CADM2: variants seen among roughly 807,000 people sequenced by gnomAD.
CADM2 encodes cell adhesion molecule 2.
A neutral mutation model predicts 49.8 loss-of-function variants in CADM2; 12 were observed. That is an observed-to-expected ratio of 0.24 (90% confidence interval 0.15 to 0.39). CADM2 has a LOEUF of 0.39. Ranked by LOEUF, CADM2 falls within the 10% of genes least tolerant of loss-of-function variation. The pLI is 1.00. For synonymous variants in CADM2, 214 were observed against 175.4 expected, an observed-to-expected ratio of 1.22 and a Z score of -1.74; for missense variants, 378 against 492.3, an observed-to-expected ratio of 0.77 and a Z score of 2.20.
At chr3:85,928,472 T>G (rs1720180112) in intron 6 of CADM2, among the ~76,000 whole-genome samples, 2 of 152,128 alleles carry the variant, frequency 1.3e-5, no homozygotes, top group Non-Finnish European at 1.5e-5. Context: ...AAGAAAAACC[T>G]TTTGTCCATA....
intron 2 of CADM2, among the ~76,000 whole-genome samples, chr3:85,747,485 T>C (rs2068663359): frequency 6.6e-6 from 1 of 152,050 alleles, no homozygotes; most frequent in Non-Finnish European, 1.5e-5. Flanking sequence ...TAGTACATGA[T>C]GAGAGATTAT....
chr3:85,603,409 T>G (rs2063466591), intron 1 of CADM2, among the ~76,000 whole-genome samples: 1 of 151,958 alleles, frequency 6.6e-6, no homozygotes, highest in South Asian at 2.1e-4. Context: ...TTTTGTTTTT[T>G]TCTCAACAAG....
intron 8 of CADM2, among the ~76,000 whole-genome samples, chr3:86,044,976 G>T (rs1559822115): frequency 6.6e-6 from 1 of 150,590 alleles, no homozygotes; most frequent in South Asian, 2.1e-4. Context: ...ACCAAACACT[G>T]CATGTTCTCA....
rs541128132 is a variant in CADM2 at position 85,963,851 on chromosome 3, T to G, written c.970+2204T>G. ...AGAAGTCATTTTTGGCTTTGCTTTT[T>G]GAACTACAATTCATCAAAAGCATCC... On this transcript the variant is annotated intron_variant, in intron 8 of 9. Transcript: ENST00000383699. Among the ~76,000 whole-genome samples the G allele has an allele frequency of 5.9e-5, 9 of 152,002 alleles. 1 individual carries two copies. The highest frequency in any genetic ancestry group is 2.2e-4 in the African/African-American group (9 of 41,536).
At chr3:85,275,681 T>C (rs2043341078) in intron 1 of CADM2, among the ~76,000 whole-genome samples, 1 of 151,274 alleles carries the variant, frequency 6.6e-6, no homozygotes, top group African/African-American at 2.4e-5. Flanking sequence ...AATGTTCTCT[T>C]TTAATACATG....
chr3:85,660,219 A>G (rs770683383), intron 1 of CADM2, among the ~76,000 whole-genome samples: 27 of 152,056 alleles, frequency 1.8e-4, no homozygotes, highest in Non-Finnish European at 3.8e-4. Flanking sequence ...GAGTTCGTTG[A>G]GGTCTTACTT....
At chr3:85,780,813 C>T (rs1410773110) in intron 2 of CADM2, among the ~76,000 whole-genome samples, 1 of 152,096 alleles carries the variant, frequency 6.6e-6, no homozygotes, top group Non-Finnish European at 1.5e-5. Context: ...GATCATGTAT[C>T]CCTGTATCTG....
chr3:85,862,410 A>C (rs1401938838), intron 3 of CADM2, among the ~76,000 whole-genome samples: 1 of 152,182 alleles, frequency 6.6e-6, no homozygotes, highest in Non-Finnish European at 1.5e-5. Context: ...CATTGAAATG[A>C]AAATCTTAGG....
At chr3:85,626,104 T>C (rs909233845) in intron 1 of CADM2, among the ~76,000 whole-genome samples, 9 of 152,018 alleles carry the variant, frequency 5.9e-5, no homozygotes, top group African/African-American at 2.2e-4. Flanking sequence ...AGTAATTTAC[T>C]GATAATAGAT....
intron 7 of CADM2, among the ~76,000 whole-genome samples, chr3:85,959,150 A>ATCTATCTCTCTCTCTC (rs141472491): frequency 6.9e-6 from 1 of 145,344 alleles, no homozygotes. Context: ...TTATCTATCT[A>ATCTATCTCTCTCTCTC]TCTCTCTCTC....
chr3:85,291,217 G>A (rs1175888984), intron 1 of CADM2, among the ~76,000 whole-genome samples: 1 of 152,050 alleles, frequency 6.6e-6, no homozygotes, highest in Non-Finnish European at 1.5e-5. Context: ...ATGAAATGAA[G>A]CTAGAAGGGA....
chr3:85,477,243 AACACAC>A (rs139955724), intron 1 of CADM2, among the ~76,000 whole-genome samples: 1 of 144,754 alleles, frequency 6.9e-6, no homozygotes, highest in Non-Finnish European at 1.5e-5. Context: ...GATTCCCTTA[AACACAC>A]ACACACACAC....
intron 1 of CADM2, among the ~76,000 whole-genome samples, chr3:85,514,214 T>G (rs1386555470): frequency 6.6e-6 from 1 of 152,084 alleles, no homozygotes; most frequent in African/African-American, 2.4e-5. Flanking sequence ...CGTCATTGTA[T>G]TTTAAACCTG....
intron 1 of CADM2, among the ~76,000 whole-genome samples, chr3:85,161,668 A>G (rs1489199769): frequency 6.6e-6 from 1 of 152,206 alleles, no homozygotes; most frequent in African/African-American, 2.4e-5. Flanking sequence ...TCATATGTTG[A>G]CATAGATAGG....
At chr3:84,984,056 C>T (rs34604403) in intron 1 of CADM2, among the ~76,000 whole-genome samples, 17,381 of 148,478 alleles carry the variant, frequency 0.12, 1,388 homozygotes, top group African/African-American at 0.21. Context: ...TATACACACA[C>T]ACACACACAC....
chr3:85,813,114 G>A (rs907386015), intron 3 of CADM2, among the ~76,000 whole-genome samples: 2 of 152,222 alleles, frequency 1.3e-5, no homozygotes, highest in South Asian at 2.1e-4. Context: ...AGATCCTTGA[G>A]GAATCACCAC....
Position 85,950,269 on chromosome 3 carries a change from T to A in CADM2, c.792-11200T>A, listed in dbSNP as rs566839404. 4.0e-5 allele frequency among the ~76,000 whole-genome samples: 6 copies of A among 151,356 alleles called. No individual in the cohort carries two copies. In the East Asian group the frequency reaches 1.2e-3, roughly 30 times the overall value. Reference sequence around the variant, plus strand: ...CTGTGTTTACCAAAGAAAAGAAATTTAAGTATAGATTAGGCATGGGTAATT... The same window carrying A: ...CTGTGTTTACCAAAGAAAAGAAATTAAAGTATAGATTAGGCATGGGTAATT... On this transcript the variant is annotated intron_variant, in intron 7 of 9. Coordinates refer to ENST00000383699, the MANE Select transcript of CADM2 (RefSeq NM_001167675.2).
intron 8 of CADM2, among the ~76,000 whole-genome samples, chr3:86,026,213 G>A (rs1733882771): frequency 6.6e-6 from 1 of 152,070 alleles, no homozygotes; most frequent in African/African-American, 2.4e-5. Context: ...TTCAAATTCA[G>A]GTATTTTGTT....
intron 1 of CADM2, among the ~76,000 whole-genome samples, chr3:85,348,604 C>T (rs1212066355): frequency 6.6e-6 from 1 of 152,084 alleles, no homozygotes; most frequent in Non-Finnish European, 1.5e-5. Flanking sequence ...AACAGATAAA[C>T]AAAATGCACA....
Sources: gnomAD v4.1 joint callset for allele counts (sites outside exome capture counted in the v4.1 genomes callset) on GRCh38, gnomAD v4.1.1 for gene constraint, MANE v1.5 for transcripts, NCBI Gene and HGNC (gene_info 2026-07-23, HGNC 2026-07-21) for gene names.